CFAP47: variants seen among roughly 807,000 people sequenced by gnomAD.
CFAP47 encodes cilia- and flagella-associated protein 47.
CFAP47 carries 29 observed loss-of-function variants against 148.1 expected under a neutral mutation model. The ratio of observed to expected loss-of-function variants is 0.20; its 90% confidence interval spans 0.15 to 0.27. CFAP47 has a LOEUF of 0.27. Ranked by LOEUF, CFAP47 falls within the 10% of genes least tolerant of loss-of-function variation. The pLI is 1.00. For synonymous variants in CFAP47, 664 were observed against 577.3 expected, an observed-to-expected ratio of 1.15 and a Z score of -2.15; for missense variants, 1,872 against 1,697.5, an observed-to-expected ratio of 1.10 and a Z score of -1.81.
In CFAP47 at chrX:36,035,865, T is replaced by G. The variant is rs773334526; in HGVS notation, c.3811+11T>G. The G allele has an allele frequency of 2.7e-5, 8 of 293,318 alleles. No homozygotes were observed. The highest frequency in any genetic ancestry group is 6.2e-5 in the Admixed American group (1 of 16,064). The allele number at this position is 293,318 out of a possible 1,213,427, so 24.2% of individuals were successfully genotyped here. On this transcript the variant is annotated intron_variant, in intron 24 of 63. Transcript: ENST00000378653. ...TAAGTTTCTGTCCAAGTAAGATATT[T>G]TCTCCTATATTTGTAGTTATACTTT...
intron 29 of CFAP47, among the ~76,000 whole-genome samples, chrX:36,082,621 C>T (rs777341374): frequency 9.0e-6 from 1 of 111,308 alleles, no homozygotes; most frequent in East Asian, 2.8e-4. Context: ...TCCACTCTAG[C>T]ATGAAGCTTC....
chrX:36,057,704 A>G (rs1381438237), intron 26 of CFAP47, among the ~76,000 whole-genome samples: 1 of 111,345 alleles, frequency 9.0e-6, no homozygotes, highest in Non-Finnish European at 1.9e-5. Context: ...CTTTCCTCCC[A>G]TACTCACCCT....
intron 3 of CFAP47, among the ~76,000 whole-genome samples, chrX:35,942,072 A>G (rs1257939635): frequency 9.1e-6 from 1 of 109,923 alleles, no homozygotes; most frequent in Non-Finnish European, 1.9e-5. Context: ...ATATTCATAT[A>G]CACTTTAAAT....
intron 33 of CFAP47, among the ~76,000 whole-genome samples, chrX:36,127,409 T>G (rs1195408004): frequency 9.0e-6 from 1 of 111,472 alleles, no homozygotes; most frequent in East Asian, 2.8e-4. Flanking sequence ...GTTGTAGATG[T>G]GTGGTATTGT....
At chrX:36,234,514 G>T (rs915036538) in intron 46 of CFAP47, among the ~76,000 whole-genome samples, 2 of 111,301 alleles carry the variant, frequency 1.8e-5, no homozygotes, top group East Asian at 2.8e-4. Flanking sequence ...TTTTACATTC[G>T]TTTAAATTTT....
chrX:36,319,415 A>G, intron 57 of CFAP47, 108 bp downstream of exon 57: 2 of 308,595 alleles, frequency 6.5e-6, no homozygotes, highest in East Asian at 6.7e-5. Context: ...AATTAAAAAT[A>G]TAATTTTAAA....
chrX:36,017,961 G>T (rs1273349615), intron 22 of CFAP47, among the ~76,000 whole-genome samples: 1 of 110,888 alleles, frequency 9.0e-6, no homozygotes, highest in Non-Finnish European at 1.9e-5. Flanking sequence ...TGGGTAATAT[G>T]GATATTTTTA....
chrX:35,953,201 A>G (rs1283312181), intron 6 of CFAP47, among the ~76,000 whole-genome samples: 1 of 112,408 alleles, frequency 8.9e-6, no homozygotes, highest in Non-Finnish European at 1.9e-5. Context: ...CAAATTTGTA[A>G]CAAATGTTTT....
intron 48 of CFAP47, 88 bp downstream of exon 48, chrX:36,236,947 A>G (rs1343098155): frequency 2.4e-6 from 1 of 423,796 alleles, no homozygotes; most frequent in Non-Finnish European, 4.2e-6. Flanking sequence ...TTTTTTAAAC[A>G]TTTAGTTTTA....
chrX:36,196,439 AT>A (rs1939921555), intron 42 of CFAP47, among the ~76,000 whole-genome samples: 2 of 111,630 alleles, frequency 1.8e-5, no homozygotes, highest in East Asian at 5.7e-4. Context: ...TTTAATACCT[AT>A]GAAAAATCAA....
At position 36,354,210 on chromosome X, in the gene CFAP47, G is replaced by A. The variant is rs150972325; in HGVS notation, c.8851+529G>A. On this transcript the variant is annotated intron_variant, in intron 60 of 63. Transcript: ENST00000378653. ...GAATTTACTATCTCGGGCCAGGTGC[G>A]GTGGCTCACGCCTGTAATCCCAGCA... Among the ~76,000 whole-genome samples, 770 of 110,877 alleles carry A rather than the reference G, an allele frequency of 6.9e-3. 3 individuals carry two copies. Among genetic ancestry groups the A allele is most frequent in the African/African-American group, 0.024 (726 of 30,601 alleles).
At chrX:36,229,589 T>G (rs1555992033) in intron 46 of CFAP47, among the ~76,000 whole-genome samples, 2 of 111,251 alleles carry the variant, frequency 1.8e-5, no homozygotes, top group East Asian at 5.6e-4. Flanking sequence ...TATGTTTACA[T>G]TTTTGATATT....
chrX:35,957,276 T>G (rs965473589), intron 8 of CFAP47, among the ~76,000 whole-genome samples: 4 of 109,400 alleles, frequency 3.7e-5, no homozygotes, highest in African/African-American at 1.3e-4. Context: ...GCCTAAAGTG[T>G]TCACTGTCTG....
intron 58 of CFAP47, 58 bp downstream of exon 58, chrX:36,348,346 T>G: frequency 1.5e-6 from 1 of 668,751 alleles, no homozygotes. Flanking sequence ...GCCACTGACA[T>G]GCTAGGTTTC....
intron 21 of CFAP47, among the ~76,000 whole-genome samples, chrX:36,011,784 T>C (rs766952306): frequency 1.8e-5 from 2 of 112,007 alleles, no homozygotes; most frequent in South Asian, 7.4e-4. Context: ...TGCAAAAATT[T>C]TCTCCCATAT....
chrX:36,135,117 G>A (rs1462312162), intron 33 of CFAP47, among the ~76,000 whole-genome samples: 2 of 110,194 alleles, frequency 1.8e-5, no homozygotes, highest in Non-Finnish European at 3.8e-5. Flanking sequence ...ATGATACAAT[G>A]GACTTTGGGG....
At chrX:36,253,843 A>G (rs1940719742) in intron 49 of CFAP47, among the ~76,000 whole-genome samples, 1 of 111,678 alleles carries the variant, frequency 9.0e-6, no homozygotes, top group Non-Finnish European at 1.9e-5. Flanking sequence ...CCCCTCACCC[A>G]GAACTCTTGG....
At chrX:36,258,265 A>G (rs1464510141) in intron 49 of CFAP47, among the ~76,000 whole-genome samples, 1 of 112,096 alleles carries the variant, frequency 8.9e-6, no homozygotes, top group African/African-American at 3.2e-5. Flanking sequence ...TCCCCAAACC[A>G]ATAGAGTTAG....
intron 47 of CFAP47, 143 bp from the exon 48 acceptor site, chrX:36,236,543 A>G: frequency 2.5e-6 from 1 of 405,289 alleles, no homozygotes; most frequent in Non-Finnish European, 4.3e-6. Flanking sequence ...AGAAGCAGTT[A>G]TTTGTGTATT....
Sources: allele counts gnomAD v4.1 joint callset (sites outside exome capture counted in the v4.1 genomes callset), GRCh38; gene constraint gnomAD v4.1.1; transcripts MANE v1.5; gene names NCBI Gene and HGNC (gene_info 2026-07-23, HGNC 2026-07-21).